Variants in SH3BP5 observed in about 807,000 individuals in gnomAD.
SH3BP5 encodes the protein SH3 domain binding protein 5, also known as SH3 domain-binding protein 5.
SH3BP5 carries 22 observed loss-of-function variants against 43.3 expected under a neutral mutation model. The observed-to-expected ratio is 0.51, with a 90% CI of 0.36 to 0.73. SH3BP5 has a LOEUF of 0.73. Among genes scored for constraint, SH3BP5 ranks in the 30% least tolerant of loss-of-function variants. The pLI, the probability that SH3BP5 is intolerant of heterozygous loss-of-function variation, is 0.00. For synonymous variants in SH3BP5, 255 were observed against 225.8 expected, an observed-to-expected ratio of 1.13 and a Z score of -1.16; for missense variants, 529 against 586.9, an observed-to-expected ratio of 0.90 and a Z score of 1.02.
intron 3 of SH3BP5, among the ~76,000 whole-genome samples, chr3:15,300,510 G>GAA (rs1559447496): frequency 6.9e-6 from 1 of 145,920 alleles, no homozygotes; most frequent in Non-Finnish European, 1.5e-5. Context: ...GCGGGGGCGG[G>GAA]GGGACAAGAG....
At chr3:15,266,279 C>G (rs145147629) in intron 4 of SH3BP5, among the ~76,000 whole-genome samples, 1 of 152,332 alleles carries the variant, frequency 6.6e-6, no homozygotes, top group African/African-American at 2.4e-5. Flanking sequence ...TCACACCCAC[C>G]AACGTCAGGG....
At chr3:15,320,623 C>CAT (rs1305736130) in intron 2 of SH3BP5, among the ~76,000 whole-genome samples, 5 of 150,016 alleles carry the variant, frequency 3.3e-5, no homozygotes, top group African/African-American at 5.0e-5. Context: ...CACACACACA[C>CAT]ACACACACAC....
chr3:15,259,817 G>A lies in SH3BP5; in HGVS notation c.627-14C>T, dbSNP rs780003536. 5 of 1,613,132 alleles carry A rather than the reference G, an allele frequency of 3.1e-6. No homozygotes were observed. The highest frequency in any genetic ancestry group is 3.3e-5 in the Admixed American group (2 of 59,990). Reference sequence around the variant, plus strand: ...TCAAAATAAGGCCTGCAGAAGACAGGAAGGAAAGCCATCAGAGTAATATAA... The same window carrying A: ...TCAAAATAAGGCCTGCAGAAGACAGAAAGGAAAGCCATCAGAGTAATATAA... On this transcript the variant is annotated splice_polypyrimidine_tract_variant and intron_variant, in intron 5 of 8. Coordinates refer to ENST00000383791, the MANE Select transcript of SH3BP5 (RefSeq NM_004844.5).
At chr3:15,320,640 A>ACACACACACACACACACACACGCT (rs373879792) in intron 2 of SH3BP5, among the ~76,000 whole-genome samples, 70 of 149,670 alleles carry the variant, frequency 4.7e-4, no homozygotes, top group South Asian at 2.7e-3. Context: ...ACACACACAC[A>ACACACACACACACACACACACGCT]CCCCACTACG....
At chr3:15,309,819 T>C (rs886298059) in intron 2 of SH3BP5, among the ~76,000 whole-genome samples, 17 of 152,082 alleles carry the variant, frequency 1.1e-4, no homozygotes, top group South Asian at 2.1e-4. Context: ...CCAGGAATGA[T>C]GCATGACTGG....
intron 2 of SH3BP5, among the ~76,000 whole-genome samples, chr3:15,310,598 A>C (rs987178749): frequency 8.5e-5 from 13 of 152,074 alleles, no homozygotes; most frequent in South Asian, 2.1e-4. Context: ...CAAAAGTACA[A>C]ACTTATCTGA....
intron 4 of SH3BP5, among the ~76,000 whole-genome samples, chr3:15,266,447 CTCTG>C (rs761668143): frequency 6.6e-6 from 1 of 152,254 alleles, no homozygotes; most frequent in Non-Finnish European, 1.5e-5. Flanking sequence ...TTCCCTCTTC[CTCTG>C]TCTGAGCTCT....
chr3:15,310,267 G>C (rs1698021709), intron 2 of SH3BP5, among the ~76,000 whole-genome samples: 1 of 152,230 alleles, frequency 6.6e-6, no homozygotes, highest in African/African-American at 2.4e-5. Context: ...GCCTGCAGCA[G>C]ATAGCAGCCA....
intron 3 of SH3BP5, among the ~76,000 whole-genome samples, chr3:15,274,760 G>A (rs771096420): frequency 3.3e-5 from 5 of 152,142 alleles, no homozygotes; most frequent in African/African-American, 7.2e-5. Context: ...TGGCCAAGCC[G>A]GTCTCAAACT....
chr3:15,290,255 G>C (rs13322836), intron 3 of SH3BP5, among the ~76,000 whole-genome samples: 2,738 of 151,754 alleles, frequency 0.018, 89 homozygotes, highest in African/African-American at 0.063. Context: ...TAGGCTGGGC[G>C]CGGTGGCTCA....
At chr3:15,338,267 C>T (rs1698725642) in intron 1 of SH3BP5, among the ~76,000 whole-genome samples, 1 of 152,058 alleles carries the variant, frequency 6.6e-6, no homozygotes, top group East Asian at 1.9e-4. Context: ...TGCTTGCACC[C>T]AGGAGGTTGA....
chr3:15,306,517 C>CAAAAG (rs139109277), intron 2 of SH3BP5, among the ~76,000 whole-genome samples: 24,240 of 151,426 alleles, frequency 0.16, 1,974 homozygotes, highest in East Asian at 0.27. Flanking sequence ...AAAACAAAAA[C>CAAAAG]AAAAGAAAAG....
rs574390570 is a variant in SH3BP5, at chr3:15,266,413, G to A, written c.495+3300C>T. 4.6e-5 allele frequency among the ~76,000 whole-genome samples: 7 copies of A among 152,270 alleles called. No homozygotes were observed. In the South Asian group the frequency reaches 6.2e-4, roughly 14 times the overall value. ...CCTGGGGCTAGTTCAGAAACAGTTC[G>A]TGCCTCTCATTTCCAAGTCACATTT... is the stretch of plus-strand genomic sequence containing the variant. On this transcript the variant is annotated intron_variant, in intron 4 of 8. Coordinates refer to ENST00000383791, the MANE Select transcript of SH3BP5 (RefSeq NM_004844.5).
At chr3:15,282,749 T>C (rs1019229426) in intron 3 of SH3BP5, among the ~76,000 whole-genome samples, 10 of 151,686 alleles carry the variant, frequency 6.6e-5, no homozygotes, top group Non-Finnish European at 1.5e-4. Flanking sequence ...TAGAGATACA[T>C]ATCTAAATAC....
chr3:15,294,254 A>C, intron 3 of SH3BP5, among the ~76,000 whole-genome samples: 1 of 151,776 alleles, frequency 6.6e-6, no homozygotes, highest in African/African-American at 2.4e-5. Flanking sequence ...AAGAGAACAC[A>C]GACTCTAAGC....
intron 2 of SH3BP5, among the ~76,000 whole-genome samples, chr3:15,306,624 G>T (rs1043126391): frequency 6.6e-6 from 1 of 152,164 alleles, no homozygotes; most frequent in Non-Finnish European, 1.5e-5. Flanking sequence ...GGTAAAACAT[G>T]TGTTTCATTG....
At chr3:15,259,916 AT>A in intron 5 of SH3BP5, 113 bp from the exon 6 acceptor site, 2 of 939,284 alleles carry the variant, frequency 2.1e-6, no homozygotes, top group Non-Finnish European at 3.5e-6. Context: ...TCCTTCCAAT[AT>A]TTAGTAAACT....
rs777353174 is a variant in SH3BP5, at chr3:15,256,202, T to C, written c.1252A>G (p.Ser418Gly). 1 of 1,614,214 alleles carries C rather than the reference T, an allele frequency of 6.2e-7. No individual in the cohort carries two copies. Among genetic ancestry groups the C allele is most frequent in the South Asian group, 1.1e-5 (1 of 91,084 alleles). The stretch of plus-strand genomic sequence containing the variant: ...GCCTGGCCCTCAGGGGAGGTGCTGC[T>C]TTGGCTCTTACTGCTGCCACCACTG... ...SGSGGSSKSQ[S>G]STSPEGQALE... is the part of the protein sequence containing the mutation. Residue 418 changes from serine (S) to glycine (G), a missense_variant, in exon 9 of 9, where the codon AGC becomes GGC. This residue lies in a region of SH3BP5 where 369 missense variants were observed against 384.3 expected (regional missense o/e 0.96). Transcript: ENST00000383791.
chr3:15,262,198 T>C lies in SH3BP5; in HGVS notation c.587A>G (p.Gln196Arg), dbSNP rs1284150914. Residue 196 changes from glutamine to arginine, a missense_variant, in exon 5 of 9, where the codon CAG (glutamine) becomes CGG (arginine). Gln to Arg is a conservative substitution (Grantham distance 43, BLOSUM62 1). Around this residue, in one of 3 missense-constraint regions of SH3BP5, gnomAD observed 369 missense variants for 384.3 expected, o/e 0.96. Transcript: ENST00000383791. ...RYNAAMGRMR[Q>R]LEKKLKRAIN... Reference sequence around the variant, plus strand: ...GGCTCTCTTGAGTTTCTTCTCCAGCTGTCGCATGCGGCCCATGGCGGCATT... The same window carrying C: ...GGCTCTCTTGAGTTTCTTCTCCAGCCGTCGCATGCGGCCCATGGCGGCATT... 6.2e-7 allele frequency: 1 copy of C among 1,614,170 alleles called. No homozygotes were observed. The highest frequency in any genetic ancestry group is 1.1e-5 in the South Asian group (1 of 91,086).
Sources: gnomAD v4.1 joint callset for allele counts (sites outside exome capture counted in the v4.1 genomes callset) on GRCh38, gnomAD v4.1.1 for gene constraint, gnomAD v4.1.1 regional missense constraint, MANE v1.5 for transcripts, NCBI Gene and HGNC (gene_info 2026-07-23, HGNC 2026-07-21) for gene names.